The following DET1 variants were observed in gnomAD, a reference collection of about 807,000 sequenced individuals.
The protein encoded by DET1 is DET1 partner of COP1 E3 ubiquitin ligase.
DET1 carries 22 observed loss-of-function variants against 43.7 expected under a neutral mutation model. That is an observed-to-expected ratio of 0.50 (90% CI 0.36 to 0.72). The LOEUF (loss-of-function observed/expected upper bound fraction) is 0.72. Among genes scored for constraint, DET1 ranks in the 30% least tolerant of loss-of-function variants. The pLI is 0.00. For missense variants in DET1, 713 were observed against 713.3 expected (o/e 1.00, Z 0.00); for synonymous variants, 315 against 266.2 (o/e 1.18, Z -1.79).
At chr15:88,532,251 C>T (rs1370263312) in intron 1 of DET1, among the ~76,000 whole-genome samples, 1 of 152,088 alleles carries the variant, frequency 6.6e-6, no homozygotes, top group Non-Finnish European at 1.5e-5. Context: ...TGCAATAAGC[C>T]GTGGTCACAA....
chr15:88,537,140 T>G (rs1018217515), intron 1 of DET1, among the ~76,000 whole-genome samples: 3 of 152,198 alleles, frequency 2.0e-5, no homozygotes, highest in African/African-American at 7.2e-5. Flanking sequence ...AATAGAGCCT[T>G]GGATCAATTT....
At chr15:88,509,475 C>T (rs1346802840), downstream of DET1, among the ~76,000 whole-genome samples, 1 of 152,182 alleles carries the variant, frequency 6.6e-6, no homozygotes, top group African/African-American at 2.4e-5. Context: ...TAAGAATAGA[C>T]ATGGTTTTTC....
chr15:88,513,149 A>G lies in DET1; in HGVS notation c.1464-9T>C. On this transcript the variant is annotated splice_polypyrimidine_tract_variant and intron_variant, in intron 4 of 4. Coordinates refer to ENST00000268148, the MANE Select transcript of DET1 (RefSeq NM_001144074.3). ...AGTCCCGGGCATAGAACCTAAAAAGAACAAGGACAGAGACAGAGAAAGAGG... is the reference window on the plus strand; with the variant it reads ...AGTCCCGGGCATAGAACCTAAAAAGGACAAGGACAGAGACAGAGAAAGAGG... The G allele has an allele frequency of 6.2e-7, 1 of 1,602,280 alleles. No homozygotes were observed. Among genetic ancestry groups the G allele is most frequent in the African/African-American group, 1.3e-5 (1 of 74,834 alleles).
At chr15:88,523,186 C>T (rs1567062502) in intron 3 of DET1, among the ~76,000 whole-genome samples, 2 of 152,096 alleles carry the variant, frequency 1.3e-5, no homozygotes, top group South Asian at 2.1e-4. Context: ...TGTTTCCTTA[C>T]TCTTTATTCT....
downstream of DET1, among the ~76,000 whole-genome samples, chr15:88,507,559 G>A (rs2056154550): frequency 6.6e-6 from 1 of 152,158 alleles, no homozygotes; most frequent in African/African-American, 2.4e-5. Context: ...CATACTCTTT[G>A]CTAGTGATCA....
chr15:88,515,149 A>G (rs1472677954), intron 4 of DET1, among the ~76,000 whole-genome samples: 1 of 152,162 alleles, frequency 6.6e-6, no homozygotes, highest in Admixed American at 6.5e-5. Flanking sequence ...TGTAACAAGC[A>G]AAGTCTAGAA....
At chr15:88,532,825 A>G (rs776162101) in intron 1 of DET1, among the ~76,000 whole-genome samples, 3 of 152,244 alleles carry the variant, frequency 2.0e-5, no homozygotes, top group Non-Finnish European at 2.9e-5. Flanking sequence ...AAGACCCATA[A>G]CTATAAAACT....
chr15:88,538,584 A>G (rs972006371), intron 1 of DET1, among the ~76,000 whole-genome samples: 1 of 152,176 alleles, frequency 6.6e-6, no homozygotes, highest in African/African-American at 2.4e-5. Flanking sequence ...ACCGGCTAGT[A>G]AAGGACTCTT....
chr15:88,527,800 G>A lies in DET1; in HGVS notation c.1084-14C>T. ...AAAGAAAGATGCCTGCAGAAGAAAA[G>A]AGAGAGAGGTATGGGACAGCTGAGT... On this transcript the variant is annotated splice_polypyrimidine_tract_variant and intron_variant, in intron 2 of 4. Transcript: ENST00000268148. 3 of 1,570,240 alleles carry A rather than the reference G, an allele frequency of 1.9e-6. No homozygotes were observed. In the South Asian group the frequency reaches 3.5e-5, roughly 18 times the overall value.
At chr15:88,541,479 G>C (rs1012111380) in intron 1 of DET1, among the ~76,000 whole-genome samples, 7 of 151,864 alleles carry the variant, frequency 4.6e-5, no homozygotes, top group Admixed American at 2.0e-4. Context: ...CCCACCTTAC[G>C]AGAAACACCC....
chr15:88,525,827 A>ATT (rs10658727), intron 3 of DET1, among the ~76,000 whole-genome samples: 3,576 of 90,622 alleles, frequency 0.039, 106 homozygotes, highest in African/African-American at 0.049. Flanking sequence ...ACACTCGGCT[A>ATT]TTTTTTTTTT....
chr15:88,546,298 T>G (rs1268928642), intron 1 of DET1: 1 of 152,532 alleles, frequency 6.6e-6, no homozygotes, highest in Non-Finnish European at 1.5e-5. Context: ...TGGGAGAAGG[T>G]GCACATGTCC....
At chr15:88,533,602 T>A (rs1193536609) in intron 1 of DET1, among the ~76,000 whole-genome samples, 1 of 152,046 alleles carries the variant, frequency 6.6e-6, no homozygotes, top group Non-Finnish European at 1.5e-5. Context: ...TACTCGGCCT[T>A]CAAAAGGAAG....
downstream of DET1, among the ~76,000 whole-genome samples, chr15:88,507,564 T>C (rs902103603): frequency 6.6e-6 from 1 of 152,242 alleles, no homozygotes; most frequent in African/African-American, 2.4e-5. Context: ...TCTTTGCTAG[T>C]GATCAGAATC....
rs566768230 is a variant in DET1 at position 88,530,762 on chromosome 15, G to A, written c.944C>T (p.Ala315Val). The change falls in exon 2 of 5, where the codon GCC (alanine) becomes GTC (valine). Residue 315 changes from alanine to valine, a missense_variant. Coordinates refer to ENST00000268148, the MANE Select transcript of DET1 (RefSeq NM_001144074.3). The stretch of plus-strand genomic sequence containing the variant: ...AAAATACTGGAAGAAGCGCCTCTTG[G>A]CCATTGCACTACCATCCTGTTCTGC... ...RRAEQDGSAM[A>V]KRRFFQYFDQ... The A allele has an allele frequency of 6.2e-7, 1 of 1,613,760 alleles. No individual in the cohort carries two copies. The highest frequency in any genetic ancestry group is 1.3e-5 in the African/African-American group (1 of 74,924).
In DET1 at chr15:88,516,999, G is replaced by T. The variant is rs750542750; in HGVS notation, c.1272-26C>A. On this transcript the variant is annotated intron_variant, in intron 3 of 4. Transcript: ENST00000268148. This position sits in a 1 kb window ranked among gnomAD's most constrained non-coding sequence, Gnocchi z 4.4. ...CTAAATGAAAGGACCGGTGAGGAAG[G>T]CTTTGTTAGTGAGTACACAAAGCTG... is the stretch of plus-strand genomic sequence containing the variant. 6 of 1,525,392 alleles carry T rather than the reference G, an allele frequency of 3.9e-6. No individual in the cohort carries two copies. In the African/African-American group the frequency reaches 4.2e-5, roughly 11 times the overall value. 94.5% of individuals were successfully genotyped at this position (1,525,392 alleles called of 1,614,324 possible).
chr15:88,528,733 T>A (rs968341677), intron 2 of DET1, among the ~76,000 whole-genome samples: 3 of 152,208 alleles, frequency 2.0e-5, no homozygotes, highest in African/African-American at 7.2e-5. Flanking sequence ...ACCACTAGGA[T>A]TAGTACTCCA....
At chr15:88,514,534 G>A (rs1007749344) in intron 4 of DET1, among the ~76,000 whole-genome samples, 1 of 152,188 alleles carries the variant, frequency 6.6e-6, no homozygotes, top group Non-Finnish European at 1.5e-5. Flanking sequence ...AATGTAGAAA[G>A]AGAATAAATG....
At chr15:88,535,472 A>G (rs2056924429) in intron 1 of DET1, among the ~76,000 whole-genome samples, 1 of 152,126 alleles carries the variant, frequency 6.6e-6, no homozygotes, top group East Asian at 1.9e-4. Context: ...AATGGCTGTA[A>G]TAGTTGGTGG....
Sources: gnomAD v4.1 joint callset for allele counts (sites outside exome capture counted in the v4.1 genomes callset) on GRCh38, gnomAD v4.1.1 for gene constraint, Gnocchi (gnomAD v3.1) non-coding constraint, MANE v1.5 for transcripts, NCBI Gene and HGNC (gene_info 2026-07-23, HGNC 2026-07-21) for gene names.